The following PKHD1 variants were observed in gnomAD, a reference collection of about 807,000 sequenced individuals.
PKHD1 encodes PKHD1 ciliary IPT domain containing fibrocystin/polyductin, also known as fibrocystin.
In PKHD1, 291 loss-of-function variants were observed where a neutral mutation model predicts 412.0. The ratio of observed to expected loss-of-function variants is 0.71; its 90% CI spans 0.64 to 0.78. PKHD1 has a LOEUF of 0.78. Ranked by LOEUF, PKHD1 falls within the 30% of genes least tolerant of loss-of-function variation. The pLI is 0.00. For missense variants in PKHD1, 4,825 were observed against 4,950.7 expected, an observed-to-expected ratio of 0.97 and a Z score of 0.76; for synonymous variants, 1,777 against 1,821.5, an observed-to-expected ratio of 0.98 and a Z score of 0.62.
At chr6:52,019,716 C>G (rs1801128081) in intron 33 of PKHD1, among the ~76,000 whole-genome samples, 1 of 152,266 alleles carries the variant, frequency 6.6e-6, no homozygotes, top group South Asian at 2.1e-4. Context: ...ATGAAAATGT[C>G]ATGTGGTATA....
In PKHD1 at chr6:52,083,882, C is replaced by T. The variant is rs1812387523; in HGVS notation, c.53-627G>A. On this transcript the variant is annotated intron_variant, in intron 2 of 66. Transcript: ENST00000371117. ...TTTCCCTCATGATCAGAATGACTTC[C>T]CAAATGAATACAAAATTATCTAGAT... Among the ~76,000 whole-genome samples, 10 of 152,088 alleles carry T rather than the reference C, an allele frequency of 6.6e-5. No individual in the cohort carries two copies. The South Asian group carries it at 2.1e-3, about 32-fold the overall frequency.
chr6:51,927,500 T>A (rs370351496), intron 37 of PKHD1, among the ~76,000 whole-genome samples: 1 of 152,300 alleles, frequency 6.6e-6, no homozygotes, highest in East Asian at 1.9e-4. Flanking sequence ...TCCTGAGAGA[T>A]GGGGATGAGC....
intron 52 of PKHD1, among the ~76,000 whole-genome samples, chr6:51,810,403 T>C (rs1302869237): frequency 6.6e-6 from 1 of 152,094 alleles, no homozygotes; most frequent in Non-Finnish European, 1.5e-5. Context: ...CCTTCAAAAA[T>C]CTTGTTTTAA....
At chr6:51,762,107 T>C (rs534928208) in intron 55 of PKHD1, among the ~76,000 whole-genome samples, 4 of 152,160 alleles carry the variant, frequency 2.6e-5, no homozygotes, top group African/African-American at 9.6e-5. Context: ...AAAACTGCCA[T>C]AGCAATGTCT....
At chr6:51,702,188 T>A (rs1264868854) in intron 60 of PKHD1, among the ~76,000 whole-genome samples, 1 of 145,856 alleles carries the variant, frequency 6.9e-6, no homozygotes, top group Non-Finnish European at 1.5e-5. Context: ...TATAATATAT[T>A]ATATATATTA....
At chr6:51,636,692 T>C (rs1222356713) in intron 64 of PKHD1, among the ~76,000 whole-genome samples, 1 of 152,188 alleles carries the variant, frequency 6.6e-6, no homozygotes, top group Non-Finnish European at 1.5e-5. Flanking sequence ...GGCGAAAATG[T>C]GTGAATATAC....
intron 11 of PKHD1, among the ~76,000 whole-genome samples, chr6:52,068,359 AAGAGCTGTGTCATCAG>A (rs1810064516): frequency 6.6e-6 from 1 of 152,154 alleles, no homozygotes; most frequent in South Asian, 2.1e-4. Context: ...GGAAATGTAA[AAGAGCTGTGTCATCAG>A]AGATACCTGT....
intron 45 of PKHD1, among the ~76,000 whole-genome samples, chr6:51,884,278 A>G (rs142773989): frequency 6.1e-4 from 93 of 152,280 alleles, no homozygotes; most frequent in African/African-American, 1.9e-3. Flanking sequence ...TGAAAAGACT[A>G]TATTTCCCAC....
chr6:51,781,153 A>G (rs1791935475), intron 53 of PKHD1, among the ~76,000 whole-genome samples: 2 of 152,262 alleles, frequency 1.3e-5, no homozygotes, highest in African/African-American at 4.8e-5. Flanking sequence ...TATAAACCCA[A>G]GCTGGTAAAT....
At position 51,934,333 on chromosome 6, in the gene PKHD1, A is replaced by G. The variant is rs763124890; in HGVS notation, c.5909-11T>C. ...AAATCAGCTTGCCCCCTAATGGACAAAGGGAAAATTGTCAGTCCCTGGGAG... is the reference window on the plus strand; with the variant it reads ...AAATCAGCTTGCCCCCTAATGGACAGAGGGAAAATTGTCAGTCCCTGGGAG... On this transcript the variant is annotated splice_polypyrimidine_tract_variant and intron_variant, in intron 36 of 66. Transcript: ENST00000371117. The G allele has an allele frequency of 2.2e-5, 35 of 1,592,556 alleles. No individual in the cohort carries two copies. The highest frequency in any genetic ancestry group is 2.9e-5 in the Non-Finnish European group (34 of 1,162,030).
intron 43 of PKHD1, among the ~76,000 whole-genome samples, chr6:51,900,583 G>C (rs1415176689): frequency 6.6e-6 from 1 of 152,142 alleles, no homozygotes. Flanking sequence ...AGAAAACCTA[G>C]GCATTACCAT....
At chr6:51,667,536 G>T (rs1774042713) in intron 60 of PKHD1, among the ~76,000 whole-genome samples, 1 of 151,846 alleles carries the variant, frequency 6.6e-6, no homozygotes, top group East Asian at 1.9e-4. Flanking sequence ...CTGTGCAGAA[G>T]CTCTTTAGTT....
intron 35 of PKHD1, among the ~76,000 whole-genome samples, chr6:51,988,725 A>G (rs1796508667): frequency 1.3e-5 from 2 of 152,186 alleles, no homozygotes; most frequent in Non-Finnish European, 2.9e-5. Context: ...GCAGGAAGAT[A>G]TGGTTAAGCA....
At chr6:51,741,137 GC>G (rs776152128) in intron 60 of PKHD1, 1 of 518,898 alleles carries the variant, frequency 1.9e-6, no homozygotes, top group South Asian at 1.4e-5. Flanking sequence ...ATTGCAACCA[GC>G]AGCAAGAACA....
chr6:51,818,116 A>G (rs1435784779), intron 52 of PKHD1, among the ~76,000 whole-genome samples: 3 of 152,196 alleles, frequency 2.0e-5, no homozygotes, highest in Non-Finnish European at 4.4e-5. Flanking sequence ...AGCATTGCCG[A>G]TGTTACAAAT....
At chr6:52,001,213 A>C (rs907741424) in intron 35 of PKHD1, among the ~76,000 whole-genome samples, 1 of 152,144 alleles carries the variant, frequency 6.6e-6, no homozygotes, top group Non-Finnish European at 1.5e-5. Flanking sequence ...GATATAGCAG[A>C]CCTGCCATTC....
At chr6:51,831,936 T>C (rs995832928) in intron 51 of PKHD1, among the ~76,000 whole-genome samples, 1 of 152,128 alleles carries the variant, frequency 6.6e-6, no homozygotes, top group Non-Finnish European at 1.5e-5. Flanking sequence ...GGGATGTGAT[T>C]ACTGGTACAG....
intron 40 of PKHD1, among the ~76,000 whole-genome samples, chr6:51,908,155 C>T (rs2127645505): frequency 6.6e-6 from 1 of 152,212 alleles, no homozygotes; most frequent in East Asian, 1.9e-4. Context: ...GCGGAGAGGC[C>T]ATATGCGGAG....
At chr6:51,961,199 A>G (rs1422569164) in intron 35 of PKHD1, among the ~76,000 whole-genome samples, 4 of 152,158 alleles carry the variant, frequency 2.6e-5, no homozygotes, top group Non-Finnish European at 4.4e-5. Flanking sequence ...CTACACCTAC[A>G]CAGAGAATAG....
Sources: allele counts gnomAD v4.1 joint callset (sites outside exome capture counted in the v4.1 genomes callset), GRCh38; gene constraint gnomAD v4.1.1; transcripts MANE v1.5; gene names NCBI Gene and HGNC (gene_info 2026-07-23, HGNC 2026-07-21).